CALN1: variants seen among roughly 807,000 people sequenced by gnomAD.
The protein encoded by CALN1 is calcium-binding protein 8.
A neutral mutation model predicts 30.6 loss-of-function variants in CALN1; 17 were observed. That is an observed-to-expected ratio of 0.56 (90% CI 0.38 to 0.83). The LOEUF is 0.83. Ranked by LOEUF, CALN1 falls within the 40% of genes least tolerant of loss-of-function variation. CALN1 has a pLI of 0.00. For missense variants in CALN1, 291 were observed against 354.9 expected, an observed-to-expected ratio of 0.82 and a Z score of 1.45; for synonymous variants, 156 against 131.4, an observed-to-expected ratio of 1.19 and a Z score of -1.28.
At chr7:72,238,074 G>T (rs1794593056) in intron 3 of CALN1, among the ~76,000 whole-genome samples, 3 of 152,128 alleles carry the variant, frequency 2.0e-5, no homozygotes, top group Non-Finnish European at 4.4e-5. Context: ...AAGACAGCCG[G>T]GTTCACCAAA....
chr7:72,135,642 C>T (rs551997288), intron 3 of CALN1, among the ~76,000 whole-genome samples: 12 of 152,296 alleles, frequency 7.9e-5, no homozygotes, highest in Admixed American at 6.5e-4. Flanking sequence ...ATGTCTAGAG[C>T]ATAGGCAGAA....
chr7:72,487,702 GAAAAGA>G, the CALN1 span, among the ~76,000 whole-genome samples: 5 of 70,364 alleles, frequency 7.1e-5, no homozygotes, highest in African/African-American at 3.4e-4. Flanking sequence ...AAGAAAGAAA[GAAAAGA>G]AAAGAAAAGA....
At chr7:71,967,048 T>A (rs2129525961) in intron 5 of CALN1, among the ~76,000 whole-genome samples, 1 of 152,314 alleles carries the variant, frequency 6.6e-6, no homozygotes, top group South Asian at 2.1e-4. Context: ...GAAACATATC[T>A]TTGAAACCCA....
chr7:72,279,456 G>T (rs746633324), intron 2 of CALN1, among the ~76,000 whole-genome samples: 15 of 152,178 alleles, frequency 9.9e-5, no homozygotes, highest in Non-Finnish European at 2.2e-4. Flanking sequence ...TGCCCTGCTG[G>T]AAACAGGAGT....
the CALN1 span, among the ~76,000 whole-genome samples, chr7:72,470,410 C>A: frequency 6.6e-6 from 1 of 152,212 alleles, no homozygotes; most frequent in East Asian, 1.9e-4. Flanking sequence ...GATGTACCCC[C>A]AGTAATGTAC....
intron 5 of CALN1, among the ~76,000 whole-genome samples, chr7:71,986,738 TTTA>T (rs1348429160): frequency 1.3e-5 from 2 of 152,202 alleles, no homozygotes; most frequent in African/African-American, 4.8e-5. Context: ...TGCTGCATAG[TTTA>T]ACATTTGTTC....
intron 3 of CALN1, among the ~76,000 whole-genome samples, chr7:72,223,257 G>C (rs1257508984): frequency 6.6e-6 from 1 of 152,108 alleles, no homozygotes; most frequent in Non-Finnish European, 1.5e-5. Flanking sequence ...AGGTGGAGCT[G>C]GGCACATGGG....
chr7:72,103,631 G>A (rs1806859732), intron 4 of CALN1, among the ~76,000 whole-genome samples: 1 of 152,128 alleles, frequency 6.6e-6, no homozygotes, highest in South Asian at 2.1e-4. Flanking sequence ...TTTTGCTACT[G>A]GTCCCAGGAT....
At chr7:72,173,158 A>G (rs1789088269) in intron 3 of CALN1, among the ~76,000 whole-genome samples, 1 of 152,148 alleles carries the variant, frequency 6.6e-6, no homozygotes, top group Non-Finnish European at 1.5e-5. Context: ...GTACTTCTAT[A>G]TAGGAGCAGA....
At chr7:72,433,206 GC>G in intron 1 of CALN1, among the ~76,000 whole-genome samples, 1 of 152,258 alleles carries the variant, frequency 6.6e-6, no homozygotes. Flanking sequence ...CCCTCCAGCA[GC>G]CCCCTGACCA....
intron 2 of CALN1, among the ~76,000 whole-genome samples, chr7:72,340,796 T>C (rs959103980): frequency 2.6e-5 from 4 of 152,172 alleles, no homozygotes; most frequent in Non-Finnish European, 5.9e-5. Flanking sequence ...GGGGGCGGTT[T>C]CTCCCATTCC....
At chr7:71,862,769 C>T (rs1456951695) in intron 5 of CALN1, among the ~76,000 whole-genome samples, 2 of 152,166 alleles carry the variant, frequency 1.3e-5, no homozygotes, top group African/African-American at 4.8e-5. Context: ...AGCGTTTCTT[C>T]TAAGTAAGGC....
chr7:71,794,295 G>A (rs1392926645), intron 6 of CALN1, among the ~76,000 whole-genome samples: 4 of 152,190 alleles, frequency 2.6e-5, no homozygotes, highest in African/African-American at 7.2e-5. Context: ...TTCAAACACC[G>A]AGTGTGGTGG....
intron 4 of CALN1, among the ~76,000 whole-genome samples, chr7:72,034,353 CAA>C (rs34276736): frequency 6.6e-5 from 6 of 90,362 alleles, no homozygotes; most frequent in Admixed American, 1.3e-4. Context: ...GACTCTGTCT[CAA>C]AAAAAAAAAA....
the CALN1 span, among the ~76,000 whole-genome samples, chr7:72,477,110 T>C: frequency 1.3e-5 from 2 of 151,894 alleles, no homozygotes; most frequent in East Asian, 3.9e-4. Context: ...ACTTGGGAAG[T>C]TGAGACAGGA....
chr7:72,340,171 T>A (rs1342348331), intron 2 of CALN1, among the ~76,000 whole-genome samples: 1 of 152,226 alleles, frequency 6.6e-6, no homozygotes, highest in Non-Finnish European at 1.5e-5. Flanking sequence ...CATTCTTTTC[T>A]GCAAACCCCG....
At chr7:72,499,822 C>CTTCCTTCCTTCT in the CALN1 span, among the ~76,000 whole-genome samples, 3 of 48,594 alleles carry the variant, frequency 6.2e-5, no homozygotes, top group African/African-American at 2.5e-4. Flanking sequence ...TCCTTCCTTC[C>CTTCCTTCCTTCT]TTCCTTCTTT....
intron 5 of CALN1, among the ~76,000 whole-genome samples, chr7:71,966,031 A>T (rs988917722): frequency 6.8e-6 from 1 of 147,884 alleles, no homozygotes; most frequent in Non-Finnish European, 1.5e-5. Context: ...TCTACACAAT[A>T]CTCAATAGAA....
chr7:72,426,950 T>C (rs1210068498), intron 1 of CALN1, among the ~76,000 whole-genome samples: 1 of 152,180 alleles, frequency 6.6e-6, no homozygotes, highest in Non-Finnish European at 1.5e-5. Context: ...GAGCCCCCCA[T>C]TGGCCTTCCT....
Sources: allele counts gnomAD v4.1 joint callset (sites outside exome capture counted in the v4.1 genomes callset), GRCh38; gene constraint gnomAD v4.1.1; transcripts MANE v1.5; gene names NCBI Gene and HGNC (gene_info 2026-07-23, HGNC 2026-07-21).